CARMIL1: variants seen among roughly 807,000 people sequenced by gnomAD.
CARMIL1 encodes the protein capping protein regulator and myosin 1 linker 1.
Under a neutral mutation model 177.1 loss-of-function variants are expected in CARMIL1, and 90 were observed. The observed-to-expected ratio is 0.51, with a 90% CI of 0.43 to 0.61. The LOEUF (loss-of-function observed/expected upper bound fraction) is 0.61. CARMIL1 is among the 20% of genes least tolerant of loss of function. CARMIL1 has a pLI of 0.00. For synonymous variants in CARMIL1, 577 were observed against 606.2 expected (o/e 0.95, Z 0.71); for missense variants, 1,380 against 1,667.0 (o/e 0.83, Z 3.00).
intron 2 of CARMIL1, among the ~76,000 whole-genome samples, chr6:25,329,032 T>C (rs1256552342): frequency 6.6e-6 from 1 of 152,166 alleles, no homozygotes; most frequent in Non-Finnish European, 1.5e-5. Context: ...CAAAAGTTTA[T>C]AAGAATCAGT....
chr6:25,572,278 G>A (rs916366188), intron 29 of CARMIL1, among the ~76,000 whole-genome samples: 19 of 152,122 alleles, frequency 1.2e-4, no homozygotes, highest in African/African-American at 4.6e-4. Context: ...TAAGTGAAGA[G>A]TATATTTGTA....
intron 2 of CARMIL1, among the ~76,000 whole-genome samples, chr6:25,363,164 A>G (rs899116562): frequency 2.6e-5 from 4 of 151,840 alleles, no homozygotes; most frequent in Non-Finnish European, 5.9e-5. Flanking sequence ...ATTTCTCAGG[A>G]TGCCAGTAGG....
intron 8 of CARMIL1, among the ~76,000 whole-genome samples, chr6:25,458,667 G>A (rs181790965): frequency 1.3e-5 from 2 of 152,180 alleles, no homozygotes; most frequent in East Asian, 3.9e-4. Flanking sequence ...AGGCAAGTTA[G>A]TCATTGGTGA....
Position 25,326,235 on chromosome 6 carries a change from G to C in CARMIL1, c.138+41326G>C, listed in dbSNP as rs1396907287. Among the ~76,000 whole-genome samples the C allele has an allele frequency of 6.6e-6, 1 of 150,822 alleles. No individual in the cohort carries two copies. Among genetic ancestry groups the C allele is most frequent in the Non-Finnish European group, 1.5e-5 (1 of 68,002 alleles). ...TGAAGGAAAATAGTGCCAGCCATTT[G>C]AAGAGTGAGGGAAAGGGGTTTCCAG... On this transcript the variant is annotated intron_variant, in intron 2 of 36. Coordinates refer to ENST00000329474, the MANE Select transcript of CARMIL1 (RefSeq NM_017640.6). The surrounding 1 kb of genome is among the most constrained non-coding windows in gnomAD (Gnocchi z 4.2).
chr6:25,541,549 A>G (rs1230345180), intron 26 of CARMIL1, among the ~76,000 whole-genome samples: 1 of 152,200 alleles, frequency 6.6e-6, no homozygotes, highest in East Asian at 1.9e-4. Context: ...ACACACTGCT[A>G]TTCACTAGTG....
intron 2 of CARMIL1, among the ~76,000 whole-genome samples, chr6:25,401,776 C>T (rs750394789): frequency 6.6e-6 from 1 of 152,182 alleles, no homozygotes; most frequent in Non-Finnish European, 1.5e-5. Flanking sequence ...ACAGCCACCT[C>T]ACTAATCGAT....
chr6:25,591,038 C>T (rs1035280912), intron 31 of CARMIL1, among the ~76,000 whole-genome samples: 2 of 152,144 alleles, frequency 1.3e-5, no homozygotes, highest in African/African-American at 4.8e-5. Context: ...ATGCACATAA[C>T]ATTCCATGAT....
chr6:25,452,241 G>C (rs754690069), intron 8 of CARMIL1: 2 of 762,140 alleles, frequency 2.6e-6, no homozygotes, highest in South Asian at 2.7e-5. Context: ...TTTTTTTCCT[G>C]CTTAGAGCAG....
intron 8 of CARMIL1, chr6:25,451,986 G>GGGGGGGCC: frequency 8.9e-6 from 1 of 112,672 alleles, no homozygotes; most frequent in Non-Finnish European, 1.7e-5. Flanking sequence ...CTAGCATCTT[G>GGGGGGGCC]CCCCCCCCTC....
chr6:25,483,437 T>A (rs1192235432), intron 12 of CARMIL1, among the ~76,000 whole-genome samples: 10 of 152,066 alleles, frequency 6.6e-5, no homozygotes, highest in Non-Finnish European at 1.3e-4. Flanking sequence ...TCTACACAGG[T>A]AGAGTTAAAT....
At chr6:25,471,107 A>T in intron 9 of CARMIL1, 62 bp from the exon 10 acceptor site, 1 of 1,122,152 alleles carries the variant, frequency 8.9e-7, no homozygotes, top group Non-Finnish European at 1.3e-6. Flanking sequence ...GCATAGATTT[A>T]TAACAATAAA....
intron 12 of CARMIL1, among the ~76,000 whole-genome samples, chr6:25,486,241 C>T (rs1467012360): frequency 2.6e-5 from 4 of 152,128 alleles, no homozygotes; most frequent in East Asian, 1.9e-4. Context: ...CTCCACTCTT[C>T]GTGGGCTTAT....
At chr6:25,543,239 A>G (rs894871155) in intron 26 of CARMIL1, among the ~76,000 whole-genome samples, 7 of 152,182 alleles carry the variant, frequency 4.6e-5, no homozygotes, top group Non-Finnish European at 1.0e-4. Flanking sequence ...ATACTGTACC[A>G]TGGCCAGTCA....
chr6:25,444,640 T>G (rs1400962903), intron 5 of CARMIL1, among the ~76,000 whole-genome samples: 1 of 152,200 alleles, frequency 6.6e-6, no homozygotes, highest in Non-Finnish European at 1.5e-5. Flanking sequence ...TTTCTGTCCT[T>G]GTGATAGTTT....
chr6:25,286,713 C>G (rs926653239), intron 2 of CARMIL1, among the ~76,000 whole-genome samples: 1 of 152,086 alleles, frequency 6.6e-6, no homozygotes, highest in Non-Finnish European at 1.5e-5. Context: ...CTATGACAGT[C>G]TAAAAAATTG....
Position 25,488,584 on chromosome 6 carries a change from C to T in CARMIL1, c.1064C>T (p.Ser355Leu), listed in dbSNP as rs1223868439. Residue 355 changes from serine to leucine, a missense_variant and splice_region_variant, in exon 13 of 37, where the codon TCA becomes TTA. Ser to Leu is a moderately radical substitution (Grantham distance 145). Coordinates refer to ENST00000329474, the MANE Select transcript of CARMIL1 (RefSeq NM_017640.6). The part of the protein sequence containing the change: ...SGNVLRGDDL[S>L]HMYNFLAQPN... ...AACGTCCTTCGTGGAGATGACCTCT[C>T]AGTAAGTTTTCTTTTCTTTATTCCA... The T allele has an allele frequency of 3.7e-6, 6 of 1,609,888 alleles. No homozygotes were observed. The highest frequency in any genetic ancestry group is 5.1e-6 in the Non-Finnish European group (6 of 1,176,258).
At chr6:25,576,900 C>A in intron 29 of CARMIL1, 1 of 683,364 alleles carries the variant, frequency 1.5e-6, no homozygotes, top group Non-Finnish European at 1.8e-6. Context: ...ATCCCTCTCC[C>A]TCCCCTTTCC....
chr6:25,600,022 G>T (rs147057977), intron 32 of CARMIL1, among the ~76,000 whole-genome samples: 213 of 152,212 alleles, frequency 1.4e-3, no homozygotes, highest in Admixed American at 2.0e-3. Context: ...TATAAAACAA[G>T]AAACAAAGGG....
At chr6:25,580,249 A>G (rs1225943643) in intron 29 of CARMIL1, among the ~76,000 whole-genome samples, 3 of 152,196 alleles carry the variant, frequency 2.0e-5, no homozygotes, top group African/African-American at 7.2e-5. Context: ...CTATTGAGGG[A>G]GAAGATAGTG....
Sources: gnomAD v4.1 joint callset for allele counts (sites outside exome capture counted in the v4.1 genomes callset) on GRCh38, gnomAD v4.1.1 for gene constraint, Gnocchi (gnomAD v3.1) non-coding constraint, MANE v1.5 for transcripts, NCBI Gene and HGNC (gene_info 2026-07-23, HGNC 2026-07-21) for gene names.